The following ISYNA1 variants were observed in gnomAD, a reference collection of about 807,000 sequenced individuals.
ISYNA1 encodes inositol-3-phosphate synthase 1, also known as MI-1-P synthase.
ISYNA1 carries 34 observed loss-of-function variants against 50.3 expected under a neutral mutation model. The observed-to-expected ratio is 0.68, with a 90% confidence interval of 0.51 to 0.90. The LOEUF (loss-of-function observed/expected upper bound fraction) is 0.90, where lower values mean the gene tolerates loss of function less well. Among genes scored for constraint, ISYNA1 ranks in the 40% least tolerant of loss-of-function variants. The probability of loss-of-function intolerance (pLI) is 0.00; values close to 1 mark genes in which losing one functional copy is unlikely to be tolerated. For missense variants in ISYNA1, 718 were observed against 784.8 expected, an observed-to-expected ratio of 0.91 and a Z score of 1.02; for synonymous variants, 396 against 349.9, an observed-to-expected ratio of 1.13 and a Z score of -1.47.
Position 18,436,362 on chromosome 19 carries a change from C to G in ISYNA1, c.727G>C (p.Asp243His). Residue 243 changes from aspartate to histidine, a missense_variant, in exon 6 of 11, where the codon GAC becomes CAC. Transcript: ENST00000338128. Reference sequence around the variant, plus strand: ...GTGCGCAGCAGGTTCTCGGCTGTGTCGTTGAGGCCTGGAATCACCTCACAG... The same window carrying G: ...GTGCGCAGCAGGTTCTCGGCTGTGTGGTTGAGGCCTGGAATCACCTCACAG... ...RFCEVIPGLN[D>H]TAENLLRTIE... The G allele has an allele frequency of 1.9e-6, 3 of 1,612,576 alleles. No individual in the cohort carries two copies. Among genetic ancestry groups the G allele is most frequent in the Non-Finnish European group, 2.5e-6 (3 of 1,179,896 alleles).
rs772386774 is a variant in ISYNA1 at position 18,436,433 on chromosome 19, C to T, written c.656G>A (p.Gly219Glu). 5 of 1,609,850 alleles carry T rather than the reference C, an allele frequency of 3.1e-6. No individual in the cohort carries two copies. The highest frequency in any genetic ancestry group is 2.2e-5 in the East Asian group (1 of 44,902). The change falls in exon 6 of 11, where the codon GGG becomes GAG. Residue 219 changes from glycine (G) to glutamate (E), a missense_variant. Gly to Glu is a moderately conservative substitution (Grantham distance 98, BLOSUM62 -2). Transcript: ENST00000338128. ...RDIRDFRSSA[G>E]LDKVIVLWTA... is the part of the protein sequence containing the mutation. Reference sequence around the variant, plus strand: ...CCACAGCACTATGACTTTGTCCAGCCCCGCGCTAGACCGGAAGTCTCGGAT... The same window carrying T: ...CCACAGCACTATGACTTTGTCCAGCTCCGCGCTAGACCGGAAGTCTCGGAT...
At chr19:18,437,272 A>G in intron 3 of ISYNA1, 167 bp from the exon 4 acceptor site, 1 of 1,423,046 alleles carries the variant, frequency 7.0e-7, no homozygotes, top group East Asian at 2.6e-5. Flanking sequence ...CTCCCCTGAG[A>G]CCTCCGGCAC....
Position 18,435,808 on chromosome 19 carries a change from C to T in ISYNA1, c.1089G>A (p.Met363Ile), listed in dbSNP as rs1973981864. The T allele has an allele frequency of 6.2e-7, 1 of 1,613,830 alleles. No individual in the cohort carries two copies. The highest frequency in any genetic ancestry group is 8.5e-7 in the Non-Finnish European group (1 of 1,179,936). The change falls in exon 8 of 11, where the codon ATG becomes ATA. Residue 363 changes from methionine to isoleucine, a missense_variant. By Grantham distance (10) the Met-to-Ile change is conservative. Transcript: ENST00000338128. ...EVSKSNVVDD[M>I]VQSNPVLYTP... ...TATAGAGCACTGGGTTGCTCTGCACCATGTCGTCCACCACGTTGCTCTTGG... is the reference window on the plus strand; with the variant it reads ...TATAGAGCACTGGGTTGCTCTGCACTATGTCGTCCACCACGTTGCTCTTGG...
chr19:18,435,324 C>A lies in ISYNA1; in HGVS notation c.1414G>T (p.Gly472Cys), dbSNP rs776119355. The change falls in exon 10 of 11, where the codon GGC (glycine) becomes TGC (cysteine). Residue 472 changes from glycine (G) to cysteine (C), a missense_variant. Physicochemically the swap from Gly to Cys is radical, Grantham distance 159. Transcript: ENST00000338128. The stretch of plus-strand genomic sequence containing the variant: ...AAAAGCGCATTGACCACCGGGCTGC[C>A]GGGCGGCACTAGTGGCGCCTTGAAG... ...FLFKAPLVPP[G>C]SPVVNALFRQ... 1 of 1,609,188 alleles carries A rather than the reference C, an allele frequency of 6.2e-7. No individual in the cohort carries two copies. The highest frequency in any genetic ancestry group is 8.5e-7 in the Non-Finnish European group (1 of 1,179,978).
At chr19:18,437,169 G>T in intron 3 of ISYNA1, 64 bp from the exon 4 acceptor site, 2 of 1,512,790 alleles carry the variant, frequency 1.3e-6, no homozygotes, top group Non-Finnish European at 8.9e-7. Context: ...GACCCGGCCT[G>T]GGCCCCACCT....
At position 18,435,317 on chromosome 19, in the gene ISYNA1, G is replaced by A. The variant is rs1042929908; in HGVS notation, c.1421C>T (p.Pro474Leu). Reference protein sequence around the residue: ...FKAPLVPPGSPVVNALFRQRS... With the variant: ...FKAPLVPPGSLVVNALFRQRS... The stretch of plus-strand genomic sequence containing the variant: ...CTGGCGGAAAAGCGCATTGACCACC[G>A]GGCTGCCGGGCGGCACTAGTGGCGC... Residue 474 changes from proline (P) to leucine (L), a missense_variant, in exon 10 of 11, where the codon CCG becomes CTG. Around this residue, in one of 3 missense-constraint regions of ISYNA1, gnomAD observed 305 missense variants for 292.6 expected, o/e 1.04. Coordinates refer to ENST00000338128, the MANE Select transcript of ISYNA1 (RefSeq NM_016368.5). 6.2e-7 allele frequency: 1 copy of A among 1,608,620 alleles called. No individual in the cohort carries two copies. Among genetic ancestry groups the A allele is most frequent in the Non-Finnish European group, 8.5e-7 (1 of 1,179,958 alleles).
rs898375630 is a variant in ISYNA1, at chr19:18,436,792, C to T, written c.501G>A (p.Pro167=). 3 of 1,581,212 alleles carry T rather than the reference C, an allele frequency of 1.9e-6. No homozygotes were observed. Among genetic ancestry groups the T allele is most frequent in the African/African-American group, 2.7e-5 (2 of 73,138 alleles). Residue 167 remains proline (P), a synonymous_variant, in exon 5 of 11, where the codon CCG becomes CCA. Coordinates refer to ENST00000338128, the MANE Select transcript of ISYNA1 (RefSeq NM_016368.5). ...GCCGGGGCCGCAGGGCCTCCATGTGCGGCCACAGTTGCTCCTGCAGCCCCC... is the reference window on the plus strand; with the variant it reads ...GCCGGGGCCGCAGGGCCTCCATGTGTGGCCACAGTTGCTCCTGCAGCCCCC... ...LDWGLQEQLW[P]HMEALRPRPS...
chr19:18,435,509 G>T lies in ISYNA1; in HGVS notation c.1255-26C>A, dbSNP rs1448564629. ...CTGCGGGGCGGGTGGGTCAGGAGAT[G>T]GGGGCGGTGGCCAAGCCCTGCCTCC... On this transcript the variant is annotated intron_variant, in intron 9 of 10. Transcript: ENST00000338128. 1.9e-6 allele frequency: 3 copies of T among 1,606,644 alleles called. No homozygotes were observed. In the Admixed American group the frequency reaches 5.0e-5, roughly 27 times the overall value.
intron 3 of ISYNA1, 32 bp downstream of exon 3, chr19:18,437,567 C>T (rs1375725241): frequency 2.9e-5 from 41 of 1,422,320 alleles, no homozygotes; most frequent in Non-Finnish European, 3.8e-5. Context: ...CCCACCAAGC[C>T]TCCCTACCCA....
Position 18,434,896 on chromosome 19 carries a change from A to G in ISYNA1, c.*17T>C. The G allele has an allele frequency of 6.2e-7, 1 of 1,608,230 alleles. No homozygotes were observed. The highest frequency in any genetic ancestry group is 8.5e-7 in the Non-Finnish European group (1 of 1,176,682). ...GGCAGCGGGGAGGAAGAGCCGAGAA[A>G]CTGTGTGACCGGGGCCTCAGGTGGT... On this transcript the variant is annotated 3_prime_UTR_variant, in exon 11 of 11. Transcript: ENST00000338128.
At chr19:18,437,235 A>C in intron 3 of ISYNA1, 130 bp from the exon 4 acceptor site, 1 of 1,442,494 alleles carries the variant, frequency 6.9e-7, no homozygotes, top group South Asian at 1.4e-5. Context: ...GCTCACAGCC[A>C]GGACGGAAGC....
Position 18,435,920 on chromosome 19 carries a change from G to C in ISYNA1, c.977C>G (p.Thr326Ser). The C allele has an allele frequency of 6.2e-7, 1 of 1,613,898 alleles. No homozygotes were observed. The highest frequency in any genetic ancestry group is 1.3e-5 in the African/African-American group (1 of 75,044). ...VDFLIGSGLK[T>S]MSIVSYNHLG... ...GTGGTTGTAACTCACGATGGACATG[G>C]TCTGTGGGTACAAGGGAAGCCCCAG... Residue 326 changes from threonine (T) to serine (S), a missense_variant and splice_region_variant, in exon 8 of 11, where the codon ACC becomes AGC. This residue lies in a region of ISYNA1 where 403 missense variants were observed against 466.6 expected (regional missense o/e 0.86). Coordinates refer to ENST00000338128, the MANE Select transcript of ISYNA1 (RefSeq NM_016368.5).
chr19:18,437,225 G>A, intron 3 of ISYNA1, 120 bp from the exon 4 acceptor site: 1 of 1,449,176 alleles, frequency 6.9e-7, no homozygotes, highest in East Asian at 2.5e-5. Context: ...TCAGTTCCAG[G>A]CTCACAGCCA....
intron 10 of ISYNA1, 25 bp downstream of exon 10, chr19:18,435,241 C>T (rs778333219): frequency 1.2e-6 from 2 of 1,600,386 alleles, no homozygotes; most frequent in Non-Finnish European, 1.7e-6. Flanking sequence ...GGGCCCCGGG[C>T]GGGAACCTGG....
At position 18,437,952 on chromosome 19, in the gene ISYNA1, C is replaced by G; in HGVS notation, c.28G>C (p.Glu10Gln). 6.3e-7 allele frequency: 1 copy of G among 1,599,814 alleles called. No individual in the cohort carries two copies. Among genetic ancestry groups the G allele is most frequent in the Non-Finnish European group, 8.5e-7 (1 of 1,174,618 alleles). ...GGGCCGTAGACCACGTCCGGGCTCT[C>G]GACGAAGAACTGGGCGGCGGCCTCC... is the stretch of plus-strand genomic sequence containing the variant. MEAAAQFFV[E>Q]SPDVVYGPEA... Residue 10 changes from glutamate (E) to glutamine (Q), a missense_variant, in exon 2 of 11, where the codon GAG becomes CAG. This residue lies in a region of ISYNA1 where 403 missense variants were observed against 466.6 expected (regional missense o/e 0.86). Coordinates refer to ENST00000338128, the MANE Select transcript of ISYNA1 (RefSeq NM_016368.5).
intron 5 of ISYNA1, 89 bp downstream of exon 5, chr19:18,436,595 G>C (rs1974058183): frequency 6.3e-7 from 1 of 1,599,858 alleles, no homozygotes; most frequent in Non-Finnish European, 8.5e-7. Context: ...TGTCAAGTGA[G>C]GCCTGGATTC....
rs534754250 is a variant in ISYNA1, at chr19:18,435,745, C to T, written c.1140+12G>A. 1.5e-5 allele frequency: 24 copies of T among 1,611,740 alleles called. No homozygotes were observed. The highest frequency in any genetic ancestry group is 3.3e-4 in the Middle Eastern group (2 of 6,060). The stretch of plus-strand genomic sequence containing the variant: ...CCGGGCAACCCCGCGCCCGCGCCCG[C>T]GCCCCACGCACGCAGTGGTCAGGCT... On this transcript the variant is annotated intron_variant, in intron 8 of 10. Transcript: ENST00000338128.
Position 18,436,774 on chromosome 19 carries a change from C to T in ISYNA1, c.519G>A (p.Arg173=). The T allele has an allele frequency of 3.2e-6, 5 of 1,577,328 alleles. No individual in the cohort carries two copies. Among genetic ancestry groups the T allele is most frequent in the Non-Finnish European group, 4.3e-6 (5 of 1,164,874 alleles). ...CGGGGATGTAAACAGAAGGCCGGGG[C>T]CGCAGGGCCTCCATGTGCGGCCACA... ...EQLWPHMEAL[R]PRPSVYIPEF... Residue 173 remains arginine, a synonymous_variant, in exon 5 of 11, where the codon CGG becomes CGA. Coordinates refer to ENST00000338128, the MANE Select transcript of ISYNA1 (RefSeq NM_016368.5).
chr19:18,434,730 A>G lies in ISYNA1; in HGVS notation c.*183T>C, dbSNP rs2385088. ...GGGGTGATGACCATGGGCAGAGGGGATGGGACTGAAGCTGGGCGCTCAAGA... is the reference window on the plus strand; with the variant it reads ...GGGGTGATGACCATGGGCAGAGGGGGTGGGACTGAAGCTGGGCGCTCAAGA... On this transcript the variant is annotated 3_prime_UTR_variant, in exon 11 of 11. Coordinates refer to ENST00000338128, the MANE Select transcript of ISYNA1 (RefSeq NM_016368.5). 0.37 allele frequency: 226,955 copies of G among 606,582 alleles called. 45,626 individuals are homozygous for G. Among genetic ancestry groups the G allele is most frequent in the African/African-American group, 0.66 (35,435 of 53,960 alleles). 37.6% of individuals were successfully genotyped at this position (606,582 alleles called of 1,614,324 possible).
Sources: gnomAD v4.1 joint callset for allele counts on GRCh38, gnomAD v4.1.1 for gene constraint, gnomAD v4.1.1 regional missense constraint, MANE v1.5 for transcripts, NCBI Gene and HGNC (gene_info 2026-07-23, HGNC 2026-07-21) for gene names.